Variants in POU2F1 observed in about 807,000 individuals in gnomAD.
POU2F1 encodes POU domain, class 2, transcription factor 1.
Under a neutral mutation model 84.9 loss-of-function variants are expected in POU2F1, and 16 were observed. That is an observed-to-expected ratio of 0.19 (90% CI 0.13 to 0.29). The LOEUF (loss-of-function observed/expected upper bound fraction) is 0.29. Among genes scored for constraint, POU2F1 ranks in the 10% least tolerant of loss-of-function variants. The pLI, the probability that POU2F1 is intolerant of heterozygous loss-of-function variation, is 1.00. For missense variants in POU2F1, 738 were observed against 942.6 expected (o/e 0.78, Z 2.84); for synonymous variants, 368 against 368.3 (o/e 1.00, Z 0.01).
chr1:167,247,568 A>T (rs570977542), intron 1 of POU2F1, among the ~76,000 whole-genome samples: 40 of 152,058 alleles, frequency 2.6e-4, no homozygotes, highest in Non-Finnish European at 4.6e-4. Context: ...TATAGTACTT[A>T]CTAGGCTTCT....
chr1:167,351,519 C>CAAA (rs34170498), intron 2 of POU2F1, among the ~76,000 whole-genome samples: 425 of 45,814 alleles, frequency 9.3e-3, no homozygotes, highest in Non-Finnish European at 0.012. Context: ...AGCACCATCT[C>CAAA]AAAAAAAAAA....
intron 1 of POU2F1, among the ~76,000 whole-genome samples, chr1:167,314,274 G>A (rs1219675699): frequency 1.3e-5 from 2 of 151,518 alleles, no homozygotes; most frequent in African/African-American, 4.9e-5. Context: ...TGGCAAATAA[G>A]CACATAAAAG....
intron 1 of POU2F1, among the ~76,000 whole-genome samples, chr1:167,297,375 G>A (rs1208129284): frequency 6.6e-6 from 1 of 152,168 alleles, no homozygotes; most frequent in East Asian, 1.9e-4. Context: ...AAGGACAATA[G>A]GGCAGGGCTG....
intron 9 of POU2F1, among the ~76,000 whole-genome samples, chr1:167,395,704 A>G (rs1322041583): frequency 6.6e-6 from 1 of 152,224 alleles, no homozygotes; most frequent in Admixed American, 6.5e-5. Context: ...TCCTGGGCTC[A>G]AGCGATCCTT....
chr1:167,374,006 G>A, intron 5 of POU2F1, 102 bp from the exon 6 acceptor site: 2 of 1,075,570 alleles, frequency 1.9e-6, no homozygotes, highest in South Asian at 1.3e-5. Context: ...TTGGGTAGCT[G>A]GGGACTGATA....
chr1:167,238,265 T>TA (rs1163898048), intron 1 of POU2F1, among the ~76,000 whole-genome samples: 21 of 152,228 alleles, frequency 1.4e-4, no homozygotes, highest in Non-Finnish European at 4.4e-5. Flanking sequence ...AAATGCAAAA[T>TA]AAAAATATAA....
chr1:167,223,210 A>G (rs1384707533), intron 1 of POU2F1, among the ~76,000 whole-genome samples: 1 of 152,254 alleles, frequency 6.6e-6, no homozygotes, highest in Non-Finnish European at 1.5e-5. Context: ...AAAGAGAAGA[A>G]TAAACATAGG....
intron 1 of POU2F1, among the ~76,000 whole-genome samples, chr1:167,248,029 A>G (rs1650462929): frequency 6.6e-6 from 1 of 152,114 alleles, no homozygotes; most frequent in South Asian, 2.1e-4. Flanking sequence ...AAGTTAATGT[A>G]TTTTTCTTTA....
chr1:167,223,126 A>G (rs1648361711), intron 1 of POU2F1, among the ~76,000 whole-genome samples: 1 of 152,166 alleles, frequency 6.6e-6, no homozygotes, highest in Non-Finnish European at 1.5e-5. Context: ...GCTTATTTTA[A>G]TTGTAGCACT....
intron 1 of POU2F1, among the ~76,000 whole-genome samples, chr1:167,245,243 CTT>C (rs553872078): frequency 6.4e-5 from 9 of 140,764 alleles, no homozygotes; most frequent in Non-Finnish European, 7.8e-5. Flanking sequence ...ACTCAAATTT[CTT>C]TTTTTTTTTT....
chr1:167,371,994 T>G lies in POU2F1; in HGVS notation c.360T>G (p.Ile120Met), dbSNP rs762765923. The G allele has an allele frequency of 6.2e-7, 1 of 1,614,104 alleles. No homozygotes were observed. The change falls in exon 5 of 16, where the codon ATT (isoleucine) becomes ATG (methionine). Residue 120 changes from isoleucine to methionine, a missense_variant. By Grantham distance (10) the Ile-to-Met change is conservative. Transcript: ENST00000367866. ...PSQQPSVQAA[I>M]PQTQLMLAGG... ...AGCAGCCTTCAGTGCAGGCAGCCAT[T>G]CCCCAGACCCAGCTTATGCTAGCTG...
Position 167,417,754 on chromosome 1 carries a change from G to T in POU2F1, c.*1944G>T, listed in dbSNP as rs1477023641. 1 of 152,134 alleles carries T rather than the reference G, an allele frequency of 6.6e-6. No individual in the cohort carries two copies. Among genetic ancestry groups the T allele is most frequent in the African/African-American group, 2.4e-5 (1 of 41,412 alleles). 9.4% of individuals were successfully genotyped at this position (152,134 alleles called of 1,614,324 possible). On this transcript the variant is annotated 3_prime_UTR_variant, in exon 16 of 16. Coordinates refer to ENST00000367866, the MANE Select transcript of POU2F1 (RefSeq NM_002697.4). ...TTTGTTTGTGTCCACAAGGGAGCTT[G>T]GATTCTGTGTACTTGTCTCTTTCCC...
intron 1 of POU2F1, among the ~76,000 whole-genome samples, chr1:167,284,401 A>G (rs533326275): frequency 3.8e-4 from 58 of 152,310 alleles, no homozygotes; most frequent in African/African-American, 1.3e-3. Context: ...GGTTTTTTAT[A>G]TAATAAGAGC....
intron 1 of POU2F1, chr1:167,329,278 A>G: frequency 6.5e-7 from 1 of 1,548,642 alleles, no homozygotes. Flanking sequence ...ATTTCACAGC[A>G]ATGCTGGACT....
intron 1 of POU2F1, among the ~76,000 whole-genome samples, chr1:167,289,826 T>C (rs1653791007): frequency 6.6e-6 from 1 of 152,224 alleles, no homozygotes; most frequent in African/African-American, 2.4e-5. Context: ...TGTTCTGTTC[T>C]CTTTTAGACA....
chr1:167,394,947 G>A (rs936001231), intron 9 of POU2F1, among the ~76,000 whole-genome samples: 2 of 152,200 alleles, frequency 1.3e-5, no homozygotes, highest in Non-Finnish European at 2.9e-5. Flanking sequence ...TCAAAAGACT[G>A]GGATAATCCC....
intron 1 of POU2F1, among the ~76,000 whole-genome samples, chr1:167,299,695 G>GTTTTTTTTTTTTTTT (rs571000920): frequency 7.2e-5 from 10 of 139,382 alleles, no homozygotes; most frequent in African/African-American, 2.5e-4. Context: ...GGAGACCAGA[G>GTTTTTTTTTTTTTTT]TTTTTTTTTT....
intron 2 of POU2F1, among the ~76,000 whole-genome samples, chr1:167,355,570 A>G (rs1202322239): frequency 2.0e-5 from 3 of 152,248 alleles, no homozygotes; most frequent in Non-Finnish European, 4.4e-5. Flanking sequence ...TGAGATTTTC[A>G]TATGAATTTA....
chr1:167,287,896 GA>G (rs1255437383), intron 1 of POU2F1, among the ~76,000 whole-genome samples: 17 of 151,992 alleles, frequency 1.1e-4, no homozygotes, highest in Non-Finnish European at 2.2e-4. Context: ...ATAGAGAGTA[GA>G]AAAAAATAGA....
Sources: gnomAD v4.1 joint callset for allele counts (sites outside exome capture counted in the v4.1 genomes callset) on GRCh38, gnomAD v4.1.1 for gene constraint, MANE v1.5 for transcripts, NCBI Gene and HGNC (gene_info 2026-07-23, HGNC 2026-07-21) for gene names.